Variants in KCNQ1OT1 observed in about 807,000 individuals in gnomAD.
The protein encoded by KCNQ1OT1 is KCNQ1 opposite strand/antisense transcript 1.
rs1850245945 is a variant in KCNQ1OT1, at chr11:2,674,255, C to T, written n.25740G>A. On this transcript the variant is annotated non_coding_transcript_exon_variant, in exon 1 of 1. Coordinates refer to ENST00000597346, the Ensembl canonical transcript of KCNQ1OT1. The surrounding 1 kb of genome is among the most constrained non-coding windows in gnomAD (Gnocchi z 5.9). ...TGTGAGCAGAGCTGGAGGCCCCTCT[C>T]TCCCAGCCCCCGGCACACACACTAG... 3 of 398,744 alleles carry T rather than the reference C, an allele frequency of 7.5e-6. No homozygotes were observed. The highest frequency in any genetic ancestry group is 1.3e-5 in the Non-Finnish European group (3 of 226,154). The allele number at this position is 398,744 out of a possible 1,614,324, so 24.7% of individuals were successfully genotyped here.
rs577435170 is a variant in KCNQ1OT1 at position 2,655,825 on chromosome 11, G to A, written n.44170C>T. ...CCCACAGTCTCCAACACACAAGCCA[G>A]CAGACAATAACCTCTCCTCTTGAAT... On this transcript the variant is annotated non_coding_transcript_exon_variant, in exon 1 of 1. Coordinates refer to ENST00000597346, the Ensembl canonical transcript of KCNQ1OT1. 1.4e-3 allele frequency: 553 copies of A among 398,640 alleles called. 1 individual carries two copies. The highest frequency in any genetic ancestry group is 9.8e-3 in the African/African-American group (476 of 48,718). The allele number at this position is 398,640 out of a possible 1,614,324, so 24.7% of individuals were successfully genotyped here.
At chr11:2,634,128 C>G (rs1225988946) in exon 1 of KCNQ1OT1, 1 of 339,918 alleles carries the variant, frequency 2.9e-6, no homozygotes, top group Non-Finnish European at 4.9e-6. Flanking sequence ...TGAAGATTGT[C>G]TTTGGTATTT....
At chr11:2,672,769 C>T (rs947385972) in exon 1 of KCNQ1OT1, 2 of 398,794 alleles carry the variant, frequency 5.0e-6, no homozygotes, top group Non-Finnish European at 8.8e-6. Context: ...TGGCCTGTCT[C>T]CTCCCCGCAA....
At chr11:2,640,367 T>C (rs1276900866) in exon 1 of KCNQ1OT1, 16 of 398,516 alleles carry the variant, frequency 4.0e-5, no homozygotes, top group Admixed American at 4.0e-4. Flanking sequence ...CTTACTGCAA[T>C]CTTTAACTCC....
At position 2,684,215 on chromosome 11, in the gene KCNQ1OT1, GCTGT is replaced by G. The variant is rs1850447204; in HGVS notation, n.15776_15779del. ...GTCAGACTCTGCCAGGAGACAGGCA[GCTGT>G]CTGTTAACTGACCCTACCCAGTACC... On this transcript the variant is annotated non_coding_transcript_exon_variant, in exon 1 of 1. Coordinates refer to ENST00000597346, the Ensembl canonical transcript of KCNQ1OT1. 4 of 398,632 alleles carry G rather than the reference GCTGT, an allele frequency of 1.0e-5. No individual in the cohort carries two copies. The South Asian group carries it at 5.1e-4, about 51-fold the overall frequency. 24.7% of individuals were successfully genotyped at this position (398,632 alleles called of 1,614,324 possible).
exon 1 of KCNQ1OT1, chr11:2,634,865 T>C (rs375506448): frequency 6.6e-5 from 10 of 152,198 alleles, no homozygotes; most frequent in Admixed American, 3.9e-4. Context: ...TTTTAATGAT[T>C]GCCATTCTAA....
At position 2,626,592 on chromosome 11, in the gene KCNQ1OT1, T is replaced by C; in HGVS notation, n.73403A>G. The C allele has an allele frequency of 2.5e-6, 1 of 398,644 alleles. No individual in the cohort carries two copies. The highest frequency in any genetic ancestry group is 4.4e-6 in the Non-Finnish European group (1 of 226,098). 24.7% of individuals were successfully genotyped at this position (398,644 alleles called of 1,614,324 possible). ...TGCCCACGCTGGAGTACAGTGGCAT[T>C]ATCACTGCTTACTGCCACCTCAATC... On this transcript the variant is annotated non_coding_transcript_exon_variant, in exon 1 of 1. Coordinates refer to ENST00000597346, the Ensembl canonical transcript of KCNQ1OT1. The surrounding 1 kb of genome is among the most constrained non-coding windows in gnomAD (Gnocchi z 4.0).
At chr11:2,650,331 C>A (rs1216849771) in exon 1 of KCNQ1OT1, 1 of 398,286 alleles carries the variant, frequency 2.5e-6, no homozygotes, top group Non-Finnish European at 4.4e-6. Flanking sequence ...TTTTTCCCCC[C>A]AAGTTTTTTG....
Position 2,657,738 on chromosome 11 carries a change from G to C in KCNQ1OT1, n.42257C>G. The C allele has an allele frequency of 2.5e-6, 1 of 398,530 alleles. No individual in the cohort carries two copies. The highest frequency in any genetic ancestry group is 4.4e-6 in the Non-Finnish European group (1 of 226,048). 24.7% of individuals were successfully genotyped at this position (398,530 alleles called of 1,614,324 possible). A position where few individuals can be genotyped will look rare whatever the true frequency, so the allele number is the denominator to read the frequency against. On this transcript the variant is annotated non_coding_transcript_exon_variant, in exon 1 of 1. Transcript: ENST00000597346. This position sits in a 1 kb window ranked among gnomAD's most constrained non-coding sequence, Gnocchi z 4.8. ...TTACATTTATTGTCATCTCTGATCG[G>C]TGACGGGCTTCTCAGTCTTGTTCTT...
At position 2,695,621 on chromosome 11, in the gene KCNQ1OT1, AG is replaced by A. The variant is rs1850662283; in HGVS notation, n.4373del. ...GAGAACTGCTCCAGCATGTTTACTT[AG>A]GAGGGAAACTGCTGGGCCACAGGTA... On this transcript the variant is annotated non_coding_transcript_exon_variant, in exon 1 of 1. Transcript: ENST00000597346. This position sits in a 1 kb window ranked among gnomAD's most constrained non-coding sequence, Gnocchi z 5.2. The A allele has an allele frequency of 2.5e-6, 1 of 398,400 alleles. No individual in the cohort carries two copies. Among genetic ancestry groups the A allele is most frequent in the South Asian group, 1.3e-4 (1 of 7,852 alleles). The allele number at this position is 398,400 out of a possible 1,614,324, so 24.7% of individuals were successfully genotyped here.
exon 1 of KCNQ1OT1, chr11:2,631,021 AT>A (rs1849343919): frequency 5.0e-6 from 2 of 398,460 alleles, no homozygotes; most frequent in East Asian, 7.1e-5. Flanking sequence ...CTTGTCTTCC[AT>A]TTTTTACATT....
exon 1 of KCNQ1OT1, chr11:2,619,328 C>T (rs895506433): frequency 1.8e-4 from 70 of 398,224 alleles, no homozygotes; most frequent in African/African-American, 7.6e-4. Context: ...AAATGGCATT[C>T]GTTATATTGA....
chr11:2,615,939 T>G (rs1480041068), exon 1 of KCNQ1OT1: 1 of 398,078 alleles, frequency 2.5e-6, no homozygotes, highest in Non-Finnish European at 4.4e-6. Context: ...GGGATTGGTG[T>G]GAATTCTTCA....
chr11:2,694,587 C>A (rs1248273843), exon 1 of KCNQ1OT1: 6 of 398,468 alleles, frequency 1.5e-5, no homozygotes, highest in African/African-American at 2.1e-5. Flanking sequence ...GGCACACTTT[C>A]CTGGCCTGGC....
rs1850250261 is a variant in KCNQ1OT1 at position 2,674,393 on chromosome 11, G to A, written n.25602C>T. On this transcript the variant is annotated non_coding_transcript_exon_variant, in exon 1 of 1. Coordinates refer to ENST00000597346, the Ensembl canonical transcript of KCNQ1OT1. This position sits in a 1 kb window ranked among gnomAD's most constrained non-coding sequence, Gnocchi z 5.9. ...CTTCCTGCTTAGGGAAGGTGCATGC[G>A]TGCGTGTGTGTGTGCGCGCCCGCGC... 2 of 398,488 alleles carry A rather than the reference G, an allele frequency of 5.0e-6. No individual in the cohort carries two copies. The highest frequency in any genetic ancestry group is 4.4e-5 in the Admixed American group (1 of 22,722). The allele number at this position is 398,488 out of a possible 1,614,324, so 24.7% of individuals were successfully genotyped here. A position where few individuals can be genotyped will look rare whatever the true frequency, so the allele number is the denominator to read the frequency against.
Position 2,647,693 on chromosome 11 carries a change from G to A in KCNQ1OT1, n.52302C>T. 1 of 398,454 alleles carries A rather than the reference G, an allele frequency of 2.5e-6. No homozygotes were observed. The highest frequency in any genetic ancestry group is 4.4e-5 in the Admixed American group (1 of 22,724). 24.7% of individuals were successfully genotyped at this position (398,454 alleles called of 1,614,324 possible). On this transcript the variant is annotated non_coding_transcript_exon_variant, in exon 1 of 1. Transcript: ENST00000597346. The surrounding 1 kb of genome is among the most constrained non-coding windows in gnomAD (Gnocchi z 4.0). Reference sequence around the variant, plus strand: ...TCATTCCTTGTTATTGCTCTGTTCAGATTTTTTTTCTTCCTGGTTCAATCT... The same window carrying A: ...TCATTCCTTGTTATTGCTCTGTTCAAATTTTTTTTCTTCCTGGTTCAATCT...
At chr11:2,692,985 C>T (rs1850613176) in exon 1 of KCNQ1OT1, 1 of 398,640 alleles carries the variant, frequency 2.5e-6, no homozygotes, top group Non-Finnish European at 4.4e-6. Context: ...CTCCTGGTTT[C>T]CAGAAGCCTC....
chr11:2,611,821 T>A lies in KCNQ1OT1; in HGVS notation n.88174A>T. Reference sequence around the variant, plus strand: ...CCTTTACTGCCTTCTGCAGGTTGAATAGATATGTTCTAGAGTACCATTCTA... The same window carrying A: ...CCTTTACTGCCTTCTGCAGGTTGAAAAGATATGTTCTAGAGTACCATTCTA... On this transcript the variant is annotated non_coding_transcript_exon_variant, in exon 1 of 1. Transcript: ENST00000597346. This position sits in a 1 kb window ranked among gnomAD's most constrained non-coding sequence, Gnocchi z 5.3. 1 of 398,520 alleles carries A rather than the reference T, an allele frequency of 2.5e-6. No homozygotes were observed. The highest frequency in any genetic ancestry group is 4.4e-6 in the Non-Finnish European group (1 of 226,016). The allele number at this position is 398,520 out of a possible 1,614,324, so 24.7% of individuals were successfully genotyped here.
At chr11:2,688,178 C>A (rs1465390909) in exon 1 of KCNQ1OT1, 4 of 398,656 alleles carry the variant, frequency 1.0e-5, no homozygotes, top group Non-Finnish European at 1.8e-5. Flanking sequence ...CAGACAGCTC[C>A]CAAGCAAGGG....
Sources: gnomAD v4.1 joint callset for allele counts on GRCh38, gnomAD v4.1.1 for gene constraint, Gnocchi (gnomAD v3.1) non-coding constraint, MANE v1.5 for transcripts, NCBI Gene and HGNC (gene_info 2026-07-23, HGNC 2026-07-21) for gene names.